GAB2: variants seen among roughly 807,000 people sequenced by gnomAD.
GAB2 encodes GRB2-associated-binding protein 2.
In GAB2, 26 loss-of-function variants were observed where a neutral mutation model predicts 65.5. The ratio of observed to expected loss-of-function variants is 0.40; its 90% CI spans 0.29 to 0.55. The LOEUF (loss-of-function observed/expected upper bound fraction) is 0.55, where lower values mean the gene tolerates loss of function less well. Ranked by LOEUF, GAB2 falls within the 20% of genes least tolerant of loss-of-function variation. The pLI is 0.53. For missense variants in GAB2, 884 were observed against 875.8 expected (o/e 1.01, Z -0.12); for synonymous variants, 321 against 329.6 (o/e 0.97, Z 0.28).
intron 3 of GAB2, among the ~76,000 whole-genome samples, chr11:78,228,492 G>T (rs1864752094): frequency 1.3e-5 from 2 of 152,174 alleles, no homozygotes; most frequent in Admixed American, 1.3e-4. Flanking sequence ...AGCCCTCTGA[G>T]GCCAATCCCT....
chr11:78,361,135 G>A (rs1378142384), intron 1 of GAB2, among the ~76,000 whole-genome samples: 1 of 152,048 alleles, frequency 6.6e-6, no homozygotes, highest in African/African-American at 2.4e-5. Context: ...CAAATCCATG[G>A]GAAAGATTTA....
intron 1 of GAB2, among the ~76,000 whole-genome samples, chr11:78,367,821 C>CTTTTTTTTTT (rs569887849): frequency 2.6e-5 from 3 of 116,122 alleles, no homozygotes; most frequent in Non-Finnish European, 3.5e-5. Flanking sequence ...TTTTCTTTTT[C>CTTTTTTTTTT]TTTTTTTTTT....
intron 1 of GAB2, among the ~76,000 whole-genome samples, chr11:78,398,021 T>TACAC (rs1554999817): frequency 0.04 from 4,514 of 112,516 alleles, 225 homozygotes; most frequent in African/African-American, 0.13. Context: ...TGTGAATAGC[T>TACAC]ACACACACAC....
Position 78,226,932 on chromosome 11 carries a change from C to A in GAB2, c.740G>T (p.Gly247Val). ...GCTCGGCTTGGGAAGGCTATAGAAG[C>A]CATGGACTTGACCACTGATCCCGTT... ...CVNGISGQVH[G>V]FYSLPKPSRH... is the part of the protein sequence containing the mutation. The change falls in exon 4 of 10, where the codon GGC becomes GTC. Residue 247 changes from glycine (G) to valine (V), a missense_variant. By Grantham distance (109) the Gly-to-Val change is moderately radical. Transcript: ENST00000361507. 2 of 1,613,902 alleles carry A rather than the reference C, an allele frequency of 1.2e-6. No homozygotes were observed. Among genetic ancestry groups the A allele is most frequent in the African/African-American group, 1.3e-5 (1 of 75,004 alleles).
intron 3 of GAB2, among the ~76,000 whole-genome samples, chr11:78,231,616 G>A (rs2134482248): frequency 1.3e-5 from 2 of 152,328 alleles, no homozygotes; most frequent in East Asian, 1.9e-4. Flanking sequence ...CCAAAGTGCT[G>A]GGATTACAGG....
intron 1 of GAB2, among the ~76,000 whole-genome samples, chr11:78,408,207 TA>T (rs56854197): frequency 0.024 from 3,674 of 152,148 alleles, 132 homozygotes; most frequent in African/African-American, 0.082. Context: ...CTGTCTGATA[TA>T]AAAAAAATAT....
chr11:78,225,785 T>C (rs182511406), intron 4 of GAB2, among the ~76,000 whole-genome samples: 1 of 152,316 alleles, frequency 6.6e-6, no homozygotes, highest in Admixed American at 6.5e-5. Context: ...TCATGTGAGA[T>C]GGAGACAAGG....
At chr11:78,292,357 T>C (rs1461744089) in intron 1 of GAB2, among the ~76,000 whole-genome samples, 1 of 152,230 alleles carries the variant, frequency 6.6e-6, no homozygotes, top group Non-Finnish European at 1.5e-5. Flanking sequence ...AGATTTGGTA[T>C]CAGAAAAGAT....
intron 1 of GAB2, among the ~76,000 whole-genome samples, chr11:78,291,554 T>A (rs1261218110): frequency 1.1e-5 from 1 of 94,902 alleles, no homozygotes; most frequent in African/African-American, 6.7e-5. Context: ...CTTACTTTTT[T>A]CTTTTTCTTT....
intron 1 of GAB2, among the ~76,000 whole-genome samples, chr11:78,349,130 A>G (rs549417828): frequency 4.1e-4 from 63 of 152,212 alleles, no homozygotes; most frequent in Non-Finnish European, 7.8e-4. Context: ...ACAGACACCT[A>G]TGAGACTCAT....
In GAB2 at chr11:78,250,061, A is replaced by G. The variant is rs538880128; in HGVS notation, c.620+96T>C. On this transcript the variant is annotated intron_variant, in intron 3 of 9. Transcript: ENST00000361507. ...GACGTGTTTGTCTACCTGAAACGAT[A>G]TAATGTTTTGCTTGTCTTTAAAAAA... The G allele has an allele frequency of 5.5e-6, 7 of 1,275,098 alleles. No homozygotes were observed. In the East Asian group the frequency reaches 1.2e-4, roughly 21 times the overall value. 79.0% of individuals were successfully genotyped at this position (1,275,098 alleles called of 1,614,324 possible). A position where few individuals can be genotyped will look rare whatever the true frequency, so the allele number is the denominator to read the frequency against.
chr11:78,242,306 A>T (rs530501005), intron 3 of GAB2, among the ~76,000 whole-genome samples: 207 of 152,052 alleles, frequency 1.4e-3, no homozygotes, highest in African/African-American at 3.5e-3. Flanking sequence ...ATCGAGACCA[A>T]CCTGGCTAAC....
At chr11:78,234,595 TA>T (rs1864936329) in intron 3 of GAB2, among the ~76,000 whole-genome samples, 1 of 148,194 alleles carries the variant, frequency 6.7e-6, no homozygotes, top group South Asian at 2.1e-4. Flanking sequence ...TTTATATATT[TA>T]AACTATTTTT....
chr11:78,270,410 G>A (rs559811300), intron 2 of GAB2, among the ~76,000 whole-genome samples: 53 of 151,940 alleles, frequency 3.5e-4, no homozygotes, highest in Non-Finnish European at 5.9e-4. Context: ...CTTGCTGTCC[G>A]TTTTGTGACT....
chr11:78,362,076 T>C (rs1439115207), intron 1 of GAB2, among the ~76,000 whole-genome samples: 1 of 144,416 alleles, frequency 6.9e-6, no homozygotes, highest in East Asian at 2.3e-4. Context: ...AGATATATTA[T>C]GAAGTAAAAA....
At chr11:78,335,428 G>T (rs1007879855) in intron 1 of GAB2, among the ~76,000 whole-genome samples, 1 of 152,186 alleles carries the variant, frequency 6.6e-6, no homozygotes, top group African/African-American at 2.4e-5. Flanking sequence ...TATGGTGAAA[G>T]ATAGGGATCT....
chr11:78,398,225 G>C (rs1199192425), intron 1 of GAB2, among the ~76,000 whole-genome samples: 1 of 152,154 alleles, frequency 6.6e-6, no homozygotes, highest in South Asian at 2.1e-4. Flanking sequence ...CTGTCTACCC[G>C]AGAAAATCTT....
At chr11:78,279,364 A>G (rs1276350095) in intron 2 of GAB2, among the ~76,000 whole-genome samples, 16 of 152,216 alleles carry the variant, frequency 1.1e-4, no homozygotes, top group Admixed American at 1.0e-3. Context: ...TTGTGACTCC[A>G]CAGTTCACAT....
chr11:78,220,190 A>G, intron 9 of GAB2, 129 bp downstream of exon 9: 1 of 916,478 alleles, frequency 1.1e-6, no homozygotes, highest in Non-Finnish European at 1.7e-6. Flanking sequence ...ATGCATCATA[A>G]AAGCTGGGTA....
Sources: gnomAD v4.1 joint callset for allele counts (sites outside exome capture counted in the v4.1 genomes callset) on GRCh38, gnomAD v4.1.1 for gene constraint, MANE v1.5 for transcripts, NCBI Gene and HGNC (gene_info 2026-07-23, HGNC 2026-07-21) for gene names.